RAP2B: variants seen among roughly 807,000 people sequenced by gnomAD.
RAP2B encodes the protein ras-related protein Rap-2b.
A neutral mutation model predicts 14.4 loss-of-function variants in RAP2B; 6 were observed. That is an observed-to-expected ratio of 0.42 (90% CI 0.23 to 0.82). The LOEUF (loss-of-function observed/expected upper bound fraction) is 0.82, where lower values mean the gene tolerates loss of function less well. RAP2B is among the 40% of genes least tolerant of loss of function. The pLI is 0.30. For synonymous variants in RAP2B, 118 were observed against 113.2 expected (o/e 1.04, Z -0.27); for missense variants, 137 against 248.2 (o/e 0.55, Z 3.01).
In RAP2B at chr3:153,163,512, C is replaced by T. The variant is rs1294812673; in HGVS notation, c.*267C>T. On this transcript the variant is annotated 3_prime_UTR_variant, in exon 1 of 1. Transcript: ENST00000323534. ...CCCTGATTTTGGTTGATGCATATTT[C>T]CCCGTTTAAGTAGCCGTTAGGGCGC... The T allele has an allele frequency of 2.2e-6, 1 of 452,038 alleles. No individual in the cohort carries two copies. Among genetic ancestry groups the T allele is most frequent in the Non-Finnish European group, 4.0e-6 (1 of 248,892 alleles). 28.0% of individuals were successfully genotyped at this position (452,038 alleles called of 1,614,324 possible).
chr3:153,162,620 C>A lies in RAP2B; in HGVS notation c.-74C>A. 1.4e-6 allele frequency: 2 copies of A among 1,469,504 alleles called. No homozygotes were observed. The highest frequency in any genetic ancestry group is 1.8e-6 in the Non-Finnish European group (2 of 1,107,890). The allele number at this position is 1,469,504 out of a possible 1,614,324, so 91.0% of individuals were successfully genotyped here. A position where few individuals can be genotyped will look rare whatever the true frequency, so the allele number is the denominator to read the frequency against. On this transcript the variant is annotated 5_prime_UTR_variant, in exon 1 of 1. Transcript: ENST00000323534. The surrounding 1 kb of genome is among the most constrained non-coding windows in gnomAD (Gnocchi z 4.9). ...TGAGGAAGGGGAAGAGAAGTCCAGCCGCCAAGCCCAGCCTTCCCCGGCGCG... is the reference window on the plus strand; with the variant it reads ...TGAGGAAGGGGAAGAGAAGTCCAGCAGCCAAGCCCAGCCTTCCCCGGCGCG...
chr3:153,163,291 G>C lies in RAP2B; in HGVS notation c.*46G>C. The C allele has an allele frequency of 6.7e-7, 1 of 1,486,618 alleles. No homozygotes were observed. Among genetic ancestry groups the C allele is most frequent in the Middle Eastern group, 2.0e-4 (1 of 5,096 alleles). The allele number at this position is 1,486,618 out of a possible 1,614,324, so 92.1% of individuals were successfully genotyped here. A position where few individuals can be genotyped will look rare whatever the true frequency, so the allele number is the denominator to read the frequency against. On this transcript the variant is annotated 3_prime_UTR_variant, in exon 1 of 1. Coordinates refer to ENST00000323534, the MANE Select transcript of RAP2B (RefSeq NM_002886.4). ...CGCGCTCTGCGCACAAAAGCCAAACGCATCCGACTCTCTAAATGTGATTTA... is the reference window on the plus strand; with the variant it reads ...CGCGCTCTGCGCACAAAAGCCAAACCCATCCGACTCTCTAAATGTGATTTA...
rs13093372 is a variant in RAP2B at position 153,163,749 on chromosome 3, A to G, written c.*504A>G. On this transcript the variant is annotated 3_prime_UTR_variant, in exon 1 of 1. Coordinates refer to ENST00000323534, the MANE Select transcript of RAP2B (RefSeq NM_002886.4). ...ATGGAAGGAAGTCCGGGAGAACCAT[A>G]TGAAGGAGCAGGAGGAGAGGAAGAA... 1 of 153,230 alleles carries G rather than the reference A, an allele frequency of 6.5e-6. No individual in the cohort carries two copies. The highest frequency in any genetic ancestry group is 2.7e-5 in the African/African-American group (1 of 36,524). 9.5% of individuals were successfully genotyped at this position (153,230 alleles called of 1,614,324 possible). A position where few individuals can be genotyped will look rare whatever the true frequency, so the allele number is the denominator to read the frequency against.
chr3:153,162,698 G>A lies in RAP2B; in HGVS notation c.5G>A (p.Arg2Lys). The A allele has an allele frequency of 1.2e-6, 2 of 1,605,156 alleles. No individual in the cohort carries two copies. Among genetic ancestry groups the A allele is most frequent in the Non-Finnish European group, 1.7e-6 (2 of 1,174,398 alleles). The change falls in exon 1 of 1, where the codon AGA becomes AAA. Residue 2 changes from arginine (R) to lysine (K), a missense_variant. Arg to Lys is a conservative substitution (Grantham distance 26). Coordinates refer to ENST00000323534, the MANE Select transcript of RAP2B (RefSeq NM_002886.4). This position sits in a 1 kb window ranked among gnomAD's most constrained non-coding sequence, Gnocchi z 4.9. ...GGCGAGAGCGCTGACGGAGCCATGA[G>A]AGAGTACAAAGTGGTGGTGCTGGGC... M[R>K]EYKVVVLGSG...
chr3:153,165,445 T>A lies in RAP2B; in HGVS notation c.*2200T>A, dbSNP rs988702498. On this transcript the variant is annotated 3_prime_UTR_variant, in exon 1 of 1. Transcript: ENST00000323534. ...ATGTTCATACATATCAAGAGAGTAC[T>A]TGGTATACCTTAGGTCTATGAAGTG... The A allele has an allele frequency of 1.2e-5, 2 of 165,342 alleles. No homozygotes were observed. The highest frequency in any genetic ancestry group is 4.8e-5 in the African/African-American group (2 of 41,458). The allele number at this position is 165,342 out of a possible 1,614,324, so 10.2% of individuals were successfully genotyped here. A position where few individuals can be genotyped will look rare whatever the true frequency, so the allele number is the denominator to read the frequency against.
At position 153,162,560 on chromosome 3, in the gene RAP2B, C is replaced by T; in HGVS notation, c.-134C>T. 8.9e-7 allele frequency: 1 copy of T among 1,120,096 alleles called. No individual in the cohort carries two copies. Among genetic ancestry groups the T allele is most frequent in the South Asian group, 1.7e-5 (1 of 58,482 alleles). 69.4% of individuals were successfully genotyped at this position (1,120,096 alleles called of 1,614,324 possible). On this transcript the variant is annotated 5_prime_UTR_variant, in exon 1 of 1. Coordinates refer to ENST00000323534, the MANE Select transcript of RAP2B (RefSeq NM_002886.4). This position sits in a 1 kb window ranked among gnomAD's most constrained non-coding sequence, Gnocchi z 4.9. ...TTCGGTGGTTTCCGCCCTGCGTTCT[C>T]TGGGTTGCTCTCTCCTGGGTTTTTC...
rs569935258 is a variant in RAP2B, at chr3:153,169,508, C to T, written c.*6263C>T. On this transcript the variant is annotated 3_prime_UTR_variant, in exon 1 of 1. Coordinates refer to ENST00000323534, the MANE Select transcript of RAP2B (RefSeq NM_002886.4). ...TCGCCCAGGCTGGAGTGCAATGGCG[C>T]GATCTCGGCTCACTGCAACCTCTGC... 487 of 154,054 alleles carry T rather than the reference C, an allele frequency of 3.2e-3. 3 individuals are homozygous for T. Among genetic ancestry groups the T allele is most frequent in the Middle Eastern group, 6.4e-3 (2 of 314 alleles). The allele number at this position is 154,054 out of a possible 1,614,324, so 9.5% of individuals were successfully genotyped here.
chr3:153,162,614 T>TCCAGCCGCCAAGC lies in RAP2B; in HGVS notation c.-73_-61dup. 1 of 1,445,848 alleles carries TCCAGCCGCCAAGC rather than the reference T, an allele frequency of 6.9e-7. No individual in the cohort carries two copies. The highest frequency in any genetic ancestry group is 2.4e-5 in the East Asian group (1 of 41,160). 89.6% of individuals were successfully genotyped at this position (1,445,848 alleles called of 1,614,324 possible). On this transcript the variant is annotated 5_prime_UTR_variant, in exon 1 of 1. Transcript: ENST00000323534. The surrounding 1 kb of genome is among the most constrained non-coding windows in gnomAD (Gnocchi z 4.9). ...CGTAGCTGAGGAAGGGGAAGAGAAGTCCAGCCGCCAAGCCCAGCCTTCCCC... is the reference window on the plus strand; with the variant it reads ...CGTAGCTGAGGAAGGGGAAGAGAAGTCCAGCCGCCAAGCCCAGCCGCCAAGCCCAGCCTTCCCC...
rs1326893369 is a variant in RAP2B at position 153,167,271 on chromosome 3, T to C, written c.*4026T>C. 6.0e-6 allele frequency: 1 copy of C among 167,120 alleles called. No homozygotes were observed. The highest frequency in any genetic ancestry group is 2.4e-5 in the African/African-American group (1 of 41,464). 10.4% of individuals were successfully genotyped at this position (167,120 alleles called of 1,614,324 possible). On this transcript the variant is annotated 3_prime_UTR_variant, in exon 1 of 1. Coordinates refer to ENST00000323534, the MANE Select transcript of RAP2B (RefSeq NM_002886.4). Reference sequence around the variant, plus strand: ...GCTAGTTCTAGGTGAGTGAGATCTTTATCTATTAACTGGATTTTGAAGGTT... The same window carrying C: ...GCTAGTTCTAGGTGAGTGAGATCTTCATCTATTAACTGGATTTTGAAGGTT...
In RAP2B at chr3:153,165,532, T is replaced by G. The variant is rs930720469; in HGVS notation, c.*2287T>G. The G allele has an allele frequency of 6.0e-6, 1 of 166,310 alleles. No homozygotes were observed. The highest frequency in any genetic ancestry group is 1.5e-5 in the Non-Finnish European group (1 of 68,094). The allele number at this position is 166,310 out of a possible 1,614,324, so 10.3% of individuals were successfully genotyped here. ...CACCCTTGACAAAACCAAAAGAAATTAACAGGCCACAGGTTTCTTTAAAGC... is the reference window on the plus strand; with the variant it reads ...CACCCTTGACAAAACCAAAAGAAATGAACAGGCCACAGGTTTCTTTAAAGC... On this transcript the variant is annotated 3_prime_UTR_variant, in exon 1 of 1. Coordinates refer to ENST00000323534, the MANE Select transcript of RAP2B (RefSeq NM_002886.4).
chr3:153,163,414 C>T lies in RAP2B; in HGVS notation c.*169C>T, dbSNP rs566418842. On this transcript the variant is annotated 3_prime_UTR_variant, in exon 1 of 1. Transcript: ENST00000323534. The stretch of plus-strand genomic sequence containing the variant: ...CGGCGTCCCCTGCCTCCACCCTGTG[C>T]CCGAGGGGGTGTCCGGTCCTGCCCA... 5.8e-5 allele frequency: 50 copies of T among 862,738 alleles called. 1 individual carries two copies. In the South Asian group the frequency reaches 8.5e-4, roughly 15 times the overall value. The allele number at this position is 862,738 out of a possible 1,614,324, so 53.4% of individuals were successfully genotyped here. A position where few individuals can be genotyped will look rare whatever the true frequency, so the allele number is the denominator to read the frequency against.
Position 153,167,809 on chromosome 3 carries a change from A to G in RAP2B, c.*4564A>G, listed in dbSNP as rs1713618991. The G allele has an allele frequency of 6.0e-6, 1 of 167,006 alleles. No homozygotes were observed. 10.3% of individuals were successfully genotyped at this position (167,006 alleles called of 1,614,324 possible). ...ATGAAAATGTGGTTAGAATAGAGGCAAAGCCTAAGTGATCAGAATCAACAT... is the reference window on the plus strand; with the variant it reads ...ATGAAAATGTGGTTAGAATAGAGGCGAAGCCTAAGTGATCAGAATCAACAT... On this transcript the variant is annotated 3_prime_UTR_variant, in exon 1 of 1. Transcript: ENST00000323534.
Position 153,163,489 on chromosome 3 carries a change from C to T in RAP2B, c.*244C>T, listed in dbSNP as rs541548387. The T allele has an allele frequency of 1.8e-6, 1 of 541,184 alleles. No homozygotes were observed. The highest frequency in any genetic ancestry group is 2.7e-5 in the South Asian group (1 of 36,408). The allele number at this position is 541,184 out of a possible 1,614,324, so 33.5% of individuals were successfully genotyped here. A position where few individuals can be genotyped will look rare whatever the true frequency, so the allele number is the denominator to read the frequency against. ...CTCTTTGCAGCATGTACGTTTCTCC[C>T]TGATTTTGGTTGATGCATATTTCCC... On this transcript the variant is annotated 3_prime_UTR_variant, in exon 1 of 1. Coordinates refer to ENST00000323534, the MANE Select transcript of RAP2B (RefSeq NM_002886.4).
In RAP2B at chr3:153,167,845, C is replaced by T; in HGVS notation, c.*4600C>T. 6.0e-6 allele frequency: 1 copy of T among 166,892 alleles called. No individual in the cohort carries two copies. 10.3% of individuals were successfully genotyped at this position (166,892 alleles called of 1,614,324 possible). ...GATCAGAATCAACATTCCCCTTCTC[C>T]CCAACCTAGGGGAAAAAAAATTTGA... On this transcript the variant is annotated 3_prime_UTR_variant, in exon 1 of 1. Transcript: ENST00000323534.
Position 153,162,943 on chromosome 3 carries a change from C to T in RAP2B, c.250C>T (p.Leu84Phe). Residue 84 changes from leucine (L) to phenylalanine (F), a missense_variant, in exon 1 of 1, where the codon CTC becomes TTC. Leu to Phe is a conservative substitution (Grantham distance 22). Transcript: ENST00000323534. This position sits in a 1 kb window ranked among gnomAD's most constrained non-coding sequence, Gnocchi z 4.9. ...NGQGFILVYS[L>F]VNQQSFQDIK... ...CCAGGGCTTCATCCTGGTCTACAGC[C>T]TCGTCAACCAGCAGAGCTTCCAGGA... The T allele has an allele frequency of 6.2e-7, 1 of 1,614,158 alleles. No individual in the cohort carries two copies. The highest frequency in any genetic ancestry group is 8.5e-7 in the Non-Finnish European group (1 of 1,180,038).
Position 153,163,216 on chromosome 3 carries a change from G to A in RAP2B, c.523G>A (p.Gly175Ser). 6.3e-7 allele frequency: 1 copy of A among 1,583,592 alleles called. No homozygotes were observed. Reference protein sequence around the residue: ...NYAAQPNGDEGCCSACVIL With the variant: ...NYAAQPNGDESCCSACVIL The stretch of plus-strand genomic sequence containing the variant: ...CGCGGCGCAGCCCAACGGCGATGAG[G>A]GCTGCTGCTCGGCCTGCGTGATCCT... The change falls in exon 1 of 1, where the codon GGC (glycine) becomes AGC (serine). Residue 175 changes from glycine to serine, a missense_variant. This residue lies in a region of RAP2B where 106 missense variants were observed against 143.5 expected (regional missense o/e 0.74). Transcript: ENST00000323534.
In RAP2B at chr3:153,165,737, A is replaced by G. The variant is rs1470091840; in HGVS notation, c.*2492A>G. ...ATCTCACTTAAGTTTGATATCAAAC[A>G]CAATTGGGAGGCAATAGTATCAATA... is the stretch of plus-strand genomic sequence containing the variant. On this transcript the variant is annotated 3_prime_UTR_variant, in exon 1 of 1. Transcript: ENST00000323534. 1.2e-5 allele frequency: 2 copies of G among 166,996 alleles called. No individual in the cohort carries two copies. The highest frequency in any genetic ancestry group is 2.9e-5 in the Non-Finnish European group (2 of 68,098). The allele number at this position is 166,996 out of a possible 1,614,324, so 10.3% of individuals were successfully genotyped here. A position where few individuals can be genotyped will look rare whatever the true frequency, so the allele number is the denominator to read the frequency against.
Position 153,169,564 on chromosome 3 carries a change from T to C in RAP2B, c.*6319T>C, listed in dbSNP as rs1172629374. 2 of 152,714 alleles carry C rather than the reference T, an allele frequency of 1.3e-5. No homozygotes were observed. Among genetic ancestry groups the C allele is most frequent in the Non-Finnish European group, 2.9e-5 (2 of 68,562 alleles). The allele number at this position is 152,714 out of a possible 1,614,324, so 9.5% of individuals were successfully genotyped here. A position where few individuals can be genotyped will look rare whatever the true frequency, so the allele number is the denominator to read the frequency against. ...AGGTTCAAGCGATTAGCCTGCCTCA[T>C]CCTCCTGAGTAGCTGGGATTACAGG... On this transcript the variant is annotated 3_prime_UTR_variant, in exon 1 of 1. Transcript: ENST00000323534.
Position 153,163,415 on chromosome 3 carries a change from C to T in RAP2B, c.*170C>T, listed in dbSNP as rs1397885775. 2.3e-6 allele frequency: 2 copies of T among 858,998 alleles called. No homozygotes were observed. The highest frequency in any genetic ancestry group is 1.8e-6 in the Non-Finnish European group (1 of 563,002). The allele number at this position is 858,998 out of a possible 1,614,324, so 53.2% of individuals were successfully genotyped here. A position where few individuals can be genotyped will look rare whatever the true frequency, so the allele number is the denominator to read the frequency against. ...GGCGTCCCCTGCCTCCACCCTGTGC[C>T]CGAGGGGGTGTCCGGTCCTGCCCAT... On this transcript the variant is annotated 3_prime_UTR_variant, in exon 1 of 1. Transcript: ENST00000323534.
Sources: allele counts gnomAD v4.1 joint callset, GRCh38; gene constraint gnomAD v4.1.1; regional missense constraint gnomAD v4.1.1; non-coding constraint Gnocchi (gnomAD v3.1); transcripts MANE v1.5; gene names NCBI Gene and HGNC (gene_info 2026-07-23, HGNC 2026-07-21).